The following WDR75 variants were observed in gnomAD, a reference collection of about 807,000 sequenced individuals.
WDR75 encodes WD repeat domain 75, also known as WD repeat-containing protein 75.
A neutral mutation model predicts 106.1 loss-of-function variants in WDR75; 52 were observed. The observed-to-expected ratio is 0.49, with a 90% CI of 0.39 to 0.62. The LOEUF (loss-of-function observed/expected upper bound fraction) is 0.62. Ranked by LOEUF, WDR75 falls within the 20% of genes least tolerant of loss-of-function variation. The probability of loss-of-function intolerance (pLI) is 0.00; values close to 1 mark genes in which losing one functional copy is unlikely to be tolerated. For synonymous variants in WDR75, 333 were observed against 335.5 expected, an observed-to-expected ratio of 0.99 and a Z score of 0.08; for missense variants, 905 against 970.3, an observed-to-expected ratio of 0.93 and a Z score of 0.89.
rs1686590528 is a variant in WDR75, at chr2:189,450,345, T to C, written c.217-558T>C. On this transcript the variant is annotated intron_variant, in intron 2 of 20. Coordinates refer to ENST00000314761, the MANE Select transcript of WDR75 (RefSeq NM_032168.3). The stretch of plus-strand genomic sequence containing the variant: ...GCAACAAGCTCTTGTGTGGGTGTTT[T>C]TGTTTTGTTTTGTTTGGTTTTGGTT... 10 of 942,658 alleles carry C rather than the reference T, an allele frequency of 1.1e-5. 1 individual carries two copies. In the South Asian group the frequency reaches 4.1e-4, roughly 39 times the overall value. 58.4% of individuals were successfully genotyped at this position (942,658 alleles called of 1,614,324 possible).
chr2:189,466,711 C>G lies in WDR75; in HGVS notation c.1447+129C>G, dbSNP rs909371942. On this transcript the variant is annotated intron_variant, in intron 13 of 20. Transcript: ENST00000314761. ...TGAATTCTACAGGATATTGCTTAAT[C>G]TTAATAGATTTAAGAGATTACATTT... The G allele has an allele frequency of 3.4e-5, 32 of 933,460 alleles. No homozygotes were observed. The African/African-American group carries it at 5.3e-4, about 15-fold the overall frequency. The allele number at this position is 933,460 out of a possible 1,614,324, so 57.8% of individuals were successfully genotyped here. A position where few individuals can be genotyped will look rare whatever the true frequency, so the allele number is the denominator to read the frequency against.
intron 6 of WDR75, among the ~76,000 whole-genome samples, chr2:189,458,213 G>A (rs1686780586): frequency 1.3e-5 from 2 of 152,138 alleles, no homozygotes. Context: ...GTGAGCCACT[G>A]TGCCCGGCCA....
Position 189,469,331 on chromosome 2 carries a change from T to C in WDR75, c.1724-13T>C, listed in dbSNP as rs2105572621. The C allele has an allele frequency of 6.2e-7, 1 of 1,601,264 alleles. No homozygotes were observed. The highest frequency in any genetic ancestry group is 2.2e-5 in the East Asian group (1 of 44,780). Reference sequence around the variant, plus strand: ...TTTCCTTAGAAGTGAATCACCTTTGTTTTTCCCCTCAGTGGAGTGGAATGC... The same window carrying C: ...TTTCCTTAGAAGTGAATCACCTTTGCTTTTCCCCTCAGTGGAGTGGAATGC... On this transcript the variant is annotated splice_polypyrimidine_tract_variant and intron_variant, in intron 15 of 20. Coordinates refer to ENST00000314761, the MANE Select transcript of WDR75 (RefSeq NM_032168.3).
intron 4 of WDR75, among the ~76,000 whole-genome samples, chr2:189,454,623 G>A (rs146466363): frequency 0.064 from 9,727 of 151,544 alleles, 471 homozygotes; most frequent in African/African-American, 0.14. Context: ...CCGGGTTCAC[G>A]CCATTCTCCT....
chr2:189,444,398 C>T (rs974494561), intron 1 of WDR75, among the ~76,000 whole-genome samples: 6 of 152,086 alleles, frequency 3.9e-5, no homozygotes, highest in Non-Finnish European at 8.8e-5. Flanking sequence ...CATGTAAGTT[C>T]CTGGTGTTCC....
At chr2:189,461,278 C>A (rs1344392220) in intron 8 of WDR75, among the ~76,000 whole-genome samples, 1 of 152,200 alleles carries the variant, frequency 6.6e-6, no homozygotes, top group African/African-American at 2.4e-5. Context: ...TCCATTTAGT[C>A]ATTAAGGTAG....
intron 2 of WDR75, 123 bp downstream of exon 2, chr2:189,448,631 T>C: frequency 7.6e-7 from 1 of 1,316,038 alleles, no homozygotes; most frequent in Non-Finnish European, 1.1e-6. Flanking sequence ...TTTTCAGTTG[T>C]AGGGTATTTT....
chr2:189,462,767 T>C (rs368343882), intron 9 of WDR75, 125 bp downstream of exon 9: 9 of 842,438 alleles, frequency 1.1e-5, no homozygotes, highest in East Asian at 8.0e-5. Flanking sequence ...GAGCCTTCTT[T>C]TCCTTGCATT....
At chr2:189,448,669 C>T (rs1686551222) in intron 2 of WDR75, 161 bp downstream of exon 2, 9 of 895,642 alleles carry the variant, frequency 1.0e-5, no homozygotes, top group South Asian at 3.0e-5. Context: ...TTGCCTATAG[C>T]ATATTCTGTG....
chr2:189,461,444 T>G (rs1230802571), intron 8 of WDR75, among the ~76,000 whole-genome samples: 3 of 152,192 alleles, frequency 2.0e-5, no homozygotes, highest in Non-Finnish European at 4.4e-5. Flanking sequence ...TAATAAATAC[T>G]TTTCCACTTT....
At chr2:189,452,027 A>G (rs1686633026) in intron 4 of WDR75, 132 bp downstream of exon 4, 4 of 644,142 alleles carry the variant, frequency 6.2e-6, no homozygotes, top group Non-Finnish European at 1.1e-5. Flanking sequence ...TGCTTTTGTC[A>G]TTATTGTGCT....
chr2:189,470,130 C>T lies in WDR75; in HGVS notation c.1874C>T (p.Ser625Phe). ...CCATTGTATATTCAAAAGGGTATCTCCAGAGAGAAAGTCCAGTGGGGAGTG... is the reference window on the plus strand; with the variant it reads ...CCATTGTATATTCAAAAGGGTATCTTCAGAGAGAAAGTCCAGTGGGGAGTG... ...PRPLYIQKGI[S>F]REKVQWGVFV... is the part of the protein sequence containing the mutation. Residue 625 changes from serine (S) to phenylalanine (F), a missense_variant, in exon 17 of 21, where the codon TCC (serine) becomes TTC (phenylalanine). Coordinates refer to ENST00000314761, the MANE Select transcript of WDR75 (RefSeq NM_032168.3). The T allele has an allele frequency of 1.2e-6, 2 of 1,613,480 alleles. No individual in the cohort carries two copies. Among genetic ancestry groups the T allele is most frequent in the Non-Finnish European group, 1.7e-6 (2 of 1,179,560 alleles).
chr2:189,461,117 T>C (rs1686872954), intron 8 of WDR75, among the ~76,000 whole-genome samples: 1 of 152,230 alleles, frequency 6.6e-6, no homozygotes, highest in Non-Finnish European at 1.5e-5. Context: ...TTAGCTAGAT[T>C]TTATCAGCTT....
chr2:189,449,404 T>C, intron 2 of WDR75: 2 of 1,266,092 alleles, frequency 1.6e-6, no homozygotes, highest in Non-Finnish European at 2.1e-6. Flanking sequence ...TCCAAGTACA[T>C]ATTTTATGCT....
chr2:189,453,924 T>C (rs1686679514), intron 4 of WDR75, among the ~76,000 whole-genome samples: 1 of 152,254 alleles, frequency 6.6e-6, no homozygotes, highest in South Asian at 2.1e-4. Flanking sequence ...CATTTACGTG[T>C]TATTTTTGAT....
At chr2:189,474,038 CTG>C (rs1265324174) in intron 18 of WDR75, 146 bp from the exon 19 acceptor site, 3 of 791,596 alleles carry the variant, frequency 3.8e-6, no homozygotes, top group East Asian at 5.4e-5. Flanking sequence ...GTTGCTTTCT[CTG>C]TGAAATGAGA....
In WDR75 at chr2:189,463,976, A is replaced by G. The variant is rs1041108852; in HGVS notation, c.1113+15A>G. 1.3e-6 allele frequency: 2 copies of G among 1,597,270 alleles called. No homozygotes were observed. The highest frequency in any genetic ancestry group is 1.7e-4 in the Middle Eastern group (1 of 6,026). ...AGTTATACAATGTAAGATTTTGATC[A>G]TTAGCCTTGAAATTAATGAAAGCTC... On this transcript the variant is annotated intron_variant, in intron 11 of 20. Transcript: ENST00000314761.
intron 9 of WDR75, 22 bp from the exon 10 acceptor site, chr2:189,463,672 A>G: frequency 6.2e-7 from 1 of 1,612,994 alleles, no homozygotes; most frequent in Non-Finnish European, 8.5e-7. Flanking sequence ...ATATTTAAAT[A>G]CCTATTTTTT....
chr2:189,458,957 A>G, intron 7 of WDR75, 85 bp downstream of exon 7: 2 of 1,396,940 alleles, frequency 1.4e-6, no homozygotes, highest in South Asian at 1.8e-5. Flanking sequence ...CTGGGTCCCA[A>G]GAAACAGCCT....
Sources: allele counts gnomAD v4.1 joint callset (sites outside exome capture counted in the v4.1 genomes callset), GRCh38; gene constraint gnomAD v4.1.1; transcripts MANE v1.5; gene names NCBI Gene and HGNC (gene_info 2026-07-23, HGNC 2026-07-21).